Variants in FMN2 observed in about 807,000 individuals in gnomAD.
FMN2 encodes formin-2.
FMN2 carries 51 observed loss-of-function variants against 142.3 expected under a neutral mutation model. That is an observed-to-expected ratio of 0.36 (90% confidence interval 0.29 to 0.45). FMN2 has a LOEUF of 0.45. FMN2 is among the 20% of genes least tolerant of loss of function. FMN2 has a pLI of 1.00. For missense variants in FMN2, 1,936 were observed against 2,122.8 expected (o/e 0.91, Z 1.73); for synonymous variants, 882 against 869.8 (o/e 1.01, Z -0.25).
intron 2 of FMN2, among the ~76,000 whole-genome samples, chr1:240,145,698 C>T (rs1663433166): frequency 6.6e-6 from 1 of 151,714 alleles, no homozygotes; most frequent in African/African-American, 2.4e-5. Flanking sequence ...TTTGTAGAGA[C>T]AGGTTCTGGC....
At chr1:240,433,537 G>C (rs1315796652) in intron 15 of FMN2, among the ~76,000 whole-genome samples, 1 of 152,146 alleles carries the variant, frequency 6.6e-6, no homozygotes, top group African/African-American at 2.4e-5. Context: ...GCAGAGCTTA[G>C]CCCTAAAAGG....
chr1:240,115,957 C>T (rs747646320), intron 1 of FMN2, among the ~76,000 whole-genome samples: 98 of 152,244 alleles, frequency 6.4e-4, no homozygotes, highest in Non-Finnish European at 1.1e-3. Context: ...GAGGGCCCCT[C>T]CCCCTTAAAG....
intron 2 of FMN2, chr1:240,143,748 C>T (rs16848431): frequency 0.21 from 325,106 of 1,522,168 alleles, 35,954 homozygotes; most frequent in Middle Eastern, 0.29. Context: ...CAGTACTTCT[C>T]CCTGATGGTC....
At chr1:240,254,529 A>C (rs1280535986) in intron 6 of FMN2, among the ~76,000 whole-genome samples, 4 of 151,928 alleles carry the variant, frequency 2.6e-5, no homozygotes, top group Non-Finnish European at 5.9e-5. Context: ...TGTGGTAAGT[A>C]GGATAGGGGT....
rs370558399 is a variant in FMN2, at chr1:240,206,835, G to A, written c.2023G>A (p.Val675Ile). 3.4e-5 allele frequency: 55 copies of A among 1,613,820 alleles called. No homozygotes were observed. Among genetic ancestry groups the A allele is most frequent in the Non-Finnish European group, 4.2e-5 (49 of 1,179,852 alleles). Reference protein sequence around the residue: ...VDMKSEGQATVIQQLEQTIED... With the variant: ...VDMKSEGQATIIQQLEQTIED... The stretch of plus-strand genomic sequence containing the variant: ...CATGAAGTCTGAGGGACAGGCCACT[G>A]TAATTCAGCAGCTGGAACAGACTAT... Residue 675 changes from valine (V) to isoleucine (I), a missense_variant, in exon 5 of 18, where the codon GTA becomes ATA. Physicochemically the swap from Val to Ile is conservative, Grantham distance 29. This residue lies in a region of FMN2 where 478 missense variants were observed against 462.8 expected (regional missense o/e 1.03). Coordinates refer to ENST00000319653, the MANE Select transcript of FMN2 (RefSeq NM_020066.5).
intron 6 of FMN2, among the ~76,000 whole-genome samples, chr1:240,244,000 C>T (rs776282508): frequency 6.6e-6 from 1 of 152,180 alleles, no homozygotes. Flanking sequence ...GATATACCAC[C>T]TTGTGCTCTA....
In FMN2 at chr1:240,154,107, C is replaced by CAAA. The variant is rs3047182; in HGVS notation, c.1783-23792_1783-23790dup. Among the ~76,000 whole-genome samples the CAAA allele has an allele frequency of 4.9e-3, 270 of 54,986 alleles. 5 individuals are homozygous for CAAA. The highest frequency in any genetic ancestry group is 0.016 in the African/African-American group (238 of 14,958). The allele number at this position is 54,986 out of a possible 152,430, so 36.1% of individuals were successfully genotyped here. On this transcript the variant is annotated intron_variant, in intron 2 of 17. Coordinates refer to ENST00000319653, the MANE Select transcript of FMN2 (RefSeq NM_020066.5). ...CCTGGGCGACAAAGTGAGATTCCATCAAAAAAAAAAAAAAAAAAAAAAAAG... is the reference window on the plus strand; with the variant it reads ...CCTGGGCGACAAAGTGAGATTCCATCAAAAAAAAAAAAAAAAAAAAAAAAAAAG...
At chr1:240,291,975 T>G (rs1422548356) in intron 7 of FMN2, among the ~76,000 whole-genome samples, 1 of 144,728 alleles carries the variant, frequency 6.9e-6, no homozygotes, top group Non-Finnish European at 1.5e-5. Flanking sequence ...TTGGCTAATA[T>G]TTTCCATTAT....
intron 7 of FMN2, among the ~76,000 whole-genome samples, chr1:240,292,784 C>A (rs561074454): frequency 2.0e-5 from 3 of 152,152 alleles, no homozygotes; most frequent in African/African-American, 7.2e-5. Flanking sequence ...CAAATTGCTT[C>A]TTTTACCTTT....
intron 8 of FMN2, among the ~76,000 whole-genome samples, chr1:240,321,956 G>A (rs543916527): frequency 6.6e-6 from 1 of 152,178 alleles, no homozygotes; most frequent in Non-Finnish European, 1.5e-5. Context: ...AACTTATGAT[G>A]GGGTTATGTC....
chr1:240,356,218 G>A (rs1672268566), intron 14 of FMN2, among the ~76,000 whole-genome samples: 1 of 151,966 alleles, frequency 6.6e-6, no homozygotes, highest in African/African-American at 2.4e-5. Context: ...TAACAATTCT[G>A]TGCTTTTTGT....
At chr1:240,177,878 A>G (rs770042272) in intron 2 of FMN2, 43 bp from the exon 3 acceptor site, 2 of 1,474,506 alleles carry the variant, frequency 1.4e-6, no homozygotes, top group Non-Finnish European at 1.8e-6. Context: ...TTTTTTTGTA[A>G]CTGAATTAAT....
chr1:240,149,836 C>A (rs1280575963), intron 2 of FMN2, among the ~76,000 whole-genome samples: 1 of 152,042 alleles, frequency 6.6e-6, no homozygotes, highest in Admixed American at 6.6e-5. Context: ...ATCAAAAATT[C>A]TTTGAGGTAA....
At chr1:240,445,080 G>T (rs1675758866) in intron 16 of FMN2, among the ~76,000 whole-genome samples, 1 of 152,172 alleles carries the variant, frequency 6.6e-6, no homozygotes, top group South Asian at 2.1e-4. Flanking sequence ...GTAACCAAAG[G>T]TTTGGCAGAA....
chr1:240,093,223 G>C lies in FMN2; in HGVS notation c.1114G>C (p.Glu372Gln), dbSNP rs867533168. 1 of 1,527,568 alleles carries C rather than the reference G, an allele frequency of 6.5e-7. No homozygotes were observed. The allele number at this position is 1,527,568 out of a possible 1,614,324, so 94.6% of individuals were successfully genotyped here. ...PGEEWAPEVG[E>Q]DAPQRLGEEP... ...GGAGGAGTGGGCCCCGGAGGTGGGA[G>C]AGGACGCCCCGCAGAGGCTGGGGGA... The change falls in exon 1 of 18, where the codon GAG (glutamate) becomes CAG (glutamine). Residue 372 changes from glutamate (E) to glutamine (Q), a missense_variant. By Grantham distance (29) the Glu-to-Gln change is conservative. This residue lies in a region of FMN2 where 751 missense variants were observed against 791.8 expected (regional missense o/e 0.95). Transcript: ENST00000319653.
chr1:240,459,941 A>C (rs1228708352), intron 16 of FMN2, among the ~76,000 whole-genome samples: 1 of 152,090 alleles, frequency 6.6e-6, no homozygotes, highest in Non-Finnish European at 1.5e-5. Context: ...TGTGGGAAGG[A>C]AAAAATTGGC....
intron 14 of FMN2, among the ~76,000 whole-genome samples, chr1:240,365,548 CATTTT>C (rs1186869216): frequency 3.3e-5 from 5 of 151,944 alleles, no homozygotes; most frequent in African/African-American, 9.7e-5. Context: ...AAAAATAAAA[CATTTT>C]ATTATTCATA....
chr1:240,246,941 T>C (rs898017486), intron 6 of FMN2, among the ~76,000 whole-genome samples: 2 of 152,202 alleles, frequency 1.3e-5, no homozygotes, highest in African/African-American at 4.8e-5. Flanking sequence ...ACTCTCCTCT[T>C]CATTGTATTG....
At chr1:240,333,851 A>G in intron 11 of FMN2, 36 bp from the exon 12 acceptor site, 1 of 1,525,852 alleles carries the variant, frequency 6.6e-7, no homozygotes, top group South Asian at 1.2e-5. Context: ...ATTAGTTAAA[A>G]AATATATTGT....
Sources: gnomAD v4.1 joint callset for allele counts (sites outside exome capture counted in the v4.1 genomes callset) on GRCh38, gnomAD v4.1.1 for gene constraint, gnomAD v4.1.1 regional missense constraint, MANE v1.5 for transcripts, NCBI Gene and HGNC (gene_info 2026-07-23, HGNC 2026-07-21) for gene names.